MYMX: variants seen among roughly 807,000 people sequenced by gnomAD.
MYMX encodes myomixer, myoblast fusion factor.
chr6:44,212,247 A>G (rs979863939), upstream of MYMX, among the ~76,000 whole-genome samples: 3 of 151,878 alleles, frequency 2.0e-5, no homozygotes, highest in Admixed American at 6.6e-5. Flanking sequence ...TCTACTAAAA[A>G]TACAAAAATT....
chr6:44,200,365 A>G, the MYMX span, among the ~76,000 whole-genome samples: 1 of 151,004 alleles, frequency 6.6e-6, no homozygotes, highest in Non-Finnish European at 1.5e-5. Context: ...CCCAGGTTGG[A>G]GTGCAGTGGC....
chr6:44,200,597 G>A, the MYMX span, among the ~76,000 whole-genome samples: 1 of 152,174 alleles, frequency 6.6e-6, no homozygotes, highest in South Asian at 2.1e-4. Flanking sequence ...TTACAGGCGT[G>A]AGCCATCGCG....
the MYMX span, among the ~76,000 whole-genome samples, chr6:44,196,610 C>T: frequency 3.3e-5 from 5 of 152,102 alleles, no homozygotes; most frequent in African/African-American, 9.7e-5. Context: ...ACCCGGGAGG[C>T]GGAATTTGCG....
At chr6:44,200,864 G>A in the MYMX span, among the ~76,000 whole-genome samples, 18 of 152,098 alleles carry the variant, frequency 1.2e-4, no homozygotes, top group Non-Finnish European at 2.5e-4. Context: ...AGTGGGGGGT[G>A]GGGGGCAGTG....
the MYMX span, among the ~76,000 whole-genome samples, chr6:44,196,522 T>C: frequency 2.6e-5 from 4 of 151,448 alleles, no homozygotes; most frequent in East Asian, 7.8e-4. Flanking sequence ...CTATTAAAAG[T>C]ACAAAAATTA....
upstream of MYMX, among the ~76,000 whole-genome samples, chr6:44,215,035 C>T (rs1434123994): frequency 6.6e-6 from 1 of 152,202 alleles, no homozygotes; most frequent in East Asian, 1.9e-4. Flanking sequence ...TACTCTCTAG[C>T]TCCTCTCTTC....
the MYMX span, among the ~76,000 whole-genome samples, chr6:44,196,670 A>G: frequency 6.7e-6 from 1 of 150,180 alleles, no homozygotes. Flanking sequence ...CTCCAAACAA[A>G]CAAACAGGAC....
chr6:44,216,207 G>T (rs1775854212), upstream of MYMX, among the ~76,000 whole-genome samples: 1 of 152,228 alleles, frequency 6.6e-6, no homozygotes, highest in Admixed American at 6.5e-5. Flanking sequence ...TGTGCAGTCT[G>T]CAGACTCACT....
At chr6:44,194,787 A>G in the MYMX span, among the ~76,000 whole-genome samples, 6 of 152,138 alleles carry the variant, frequency 3.9e-5, no homozygotes, top group African/African-American at 1.4e-4. Context: ...GAGGTCGGGA[A>G]GGAAAGGGAG....
chr6:44,212,917 A>T (rs148900498), upstream of MYMX, among the ~76,000 whole-genome samples: 607 of 151,568 alleles, frequency 4.0e-3, 10 homozygotes, highest in East Asian at 5.4e-3. Flanking sequence ...AGTTCCAGCT[A>T]CTGTGGAGAC....
At chr6:44,211,788 T>TTGTGTG in the MYMX span, among the ~76,000 whole-genome samples, 1,986 of 126,398 alleles carry the variant, frequency 0.016, 40 homozygotes, top group Middle Eastern at 0.051. Context: ...CAGCTAGGTT[T>TTGTGTG]TGTGTGTGTG....
the MYMX span, among the ~76,000 whole-genome samples, chr6:44,203,101 C>T: frequency 3.3e-5 from 5 of 152,298 alleles, no homozygotes; most frequent in Admixed American, 3.3e-4. Context: ...CCACGGTTCC[C>T]CGTGGAGTAC....
the MYMX span, among the ~76,000 whole-genome samples, chr6:44,206,303 C>A: frequency 1.1e-4 from 16 of 152,270 alleles, no homozygotes; most frequent in Non-Finnish European, 1.9e-4. Context: ...TCAGTCTTGG[C>A]TCACTGCAAC....
chr6:44,207,192 G>A, the MYMX span, among the ~76,000 whole-genome samples: 1 of 151,856 alleles, frequency 6.6e-6, no homozygotes, highest in Non-Finnish European at 1.5e-5. Context: ...ACGGAGTCTC[G>A]CGGTCTCCCA....
At chr6:44,208,862 GACAC>G in the MYMX span, among the ~76,000 whole-genome samples, 1 of 152,210 alleles carries the variant, frequency 6.6e-6, no homozygotes, top group South Asian at 2.1e-4. Flanking sequence ...AAGTTCAGAA[GACAC>G]AGCACCTCTT....
At chr6:44,211,257 A>G in the MYMX span, among the ~76,000 whole-genome samples, 1 of 152,378 alleles carries the variant, frequency 6.6e-6, no homozygotes, top group East Asian at 1.9e-4. Flanking sequence ...ACTAAGGGTT[A>G]AGAATTTTAA....
upstream of MYMX, among the ~76,000 whole-genome samples, chr6:44,214,075 A>T (rs556652042): frequency 6.6e-6 from 1 of 152,314 alleles, no homozygotes; most frequent in Non-Finnish European, 1.5e-5. Context: ...CTTTGGCTTT[A>T]ACTCTGAGTG....
the MYMX span, among the ~76,000 whole-genome samples, chr6:44,199,259 C>T: frequency 6.6e-6 from 1 of 151,334 alleles, no homozygotes; most frequent in Non-Finnish European, 1.5e-5. Context: ...TACAGTGGTG[C>T]TATCATGGTT....
At chr6:44,205,570 A>T in the MYMX span, among the ~76,000 whole-genome samples, 1 of 151,996 alleles carries the variant, frequency 6.6e-6, no homozygotes, top group African/African-American at 2.4e-5. Context: ...CAGCACTTTG[A>T]GAGGCCAAGG....
Sources: allele counts gnomAD v4.1 joint callset (sites outside exome capture counted in the v4.1 genomes callset), GRCh38; gene constraint gnomAD v4.1.1; transcripts MANE v1.5; gene names NCBI Gene and HGNC (gene_info 2026-07-23, HGNC 2026-07-21).